SATB2: variants seen among roughly 807,000 people sequenced by gnomAD.
SATB2 encodes the protein DNA-binding protein SATB2.
A neutral mutation model predicts 73.4 loss-of-function variants in SATB2; 1 was observed. The observed-to-expected ratio is 0.01, with a 90% CI of 0.00 to 0.06. The LOEUF is 0.06. SATB2 is among the 10% of genes least tolerant of loss of function. The pLI is 1.00. For synonymous variants in SATB2, 397 were observed against 367.0 expected, an observed-to-expected ratio of 1.08 and a Z score of -0.93; for missense variants, 459 against 945.8, an observed-to-expected ratio of 0.49 and a Z score of 6.75.
chr2:199,334,706 A>G (rs1688286338), intron 7 of SATB2, among the ~76,000 whole-genome samples: 1 of 152,148 alleles, frequency 6.6e-6, no homozygotes, highest in South Asian at 2.1e-4. Flanking sequence ...GTAACCTCTT[A>G]AGAAAACTAT....
upstream of SATB2, among the ~76,000 whole-genome samples, chr2:199,459,294 A>G (rs916666755): frequency 1.3e-5 from 2 of 151,792 alleles, no homozygotes; most frequent in African/African-American, 4.8e-5. The surrounding 1 kb of genome is among the most constrained non-coding windows in gnomAD (Gnocchi z 4.2). Flanking sequence ...CGAAGGCGTA[A>G]CAGAGCCACA....
intron 3 of SATB2, among the ~76,000 whole-genome samples, chr2:199,390,336 T>C (rs1365742284): frequency 6.6e-6 from 1 of 152,152 alleles, no homozygotes; most frequent in African/African-American, 2.4e-5. Context: ...TGAGAAATTA[T>C]TTGGGGTTGG....
chr2:199,396,204 C>T (rs1320450306), intron 3 of SATB2: 1 of 152,164 alleles, frequency 6.6e-6, no homozygotes, highest in Non-Finnish European at 1.5e-5. Context: ...ACCTCTAATT[C>T]TTTTCCCACA....
At chr2:199,428,552 C>A (rs1200431498) in intron 3 of SATB2, among the ~76,000 whole-genome samples, 1 of 152,150 alleles carries the variant, frequency 6.6e-6, no homozygotes, top group Non-Finnish European at 1.5e-5. Context: ...CACCCACTAG[C>A]CTGCGCCTCT....
intron 9 of SATB2, among the ~76,000 whole-genome samples, chr2:199,314,257 C>A (rs961584751): frequency 1.3e-5 from 2 of 152,150 alleles, no homozygotes; most frequent in African/African-American, 4.8e-5. Flanking sequence ...ATAGTAGCTT[C>A]TCAATAAATA....
chr2:199,360,777 C>T (rs1689114582), intron 6 of SATB2, among the ~76,000 whole-genome samples: 1 of 152,130 alleles, frequency 6.6e-6, no homozygotes, highest in African/African-American at 2.4e-5. Flanking sequence ...TCTTTCCTCT[C>T]ATGTCCTTGC....
rs145709726 is a variant in SATB2, at chr2:199,418,580, A to G, written c.346+14758T>C. 1.4e-4 allele frequency among the ~76,000 whole-genome samples: 22 copies of G among 152,308 alleles called. No individual in the cohort carries two copies. The East Asian group carries it at 4.2e-3, about 29-fold the overall frequency. ...TAATGTAAAATGTGAATTTATTTTCAAATCTTAACGTGGTTTGCTTCTACA... is the reference window on the plus strand; with the variant it reads ...TAATGTAAAATGTGAATTTATTTTCGAATCTTAACGTGGTTTGCTTCTACA... On this transcript the variant is annotated intron_variant, in intron 3 of 10. Coordinates refer to ENST00000417098, the MANE Select transcript of SATB2 (RefSeq NM_001172509.2).
intron 5 of SATB2, among the ~76,000 whole-genome samples, chr2:199,374,260 G>C (rs534106338): frequency 6.6e-6 from 1 of 152,338 alleles, no homozygotes; most frequent in African/African-American, 2.4e-5. Flanking sequence ...CCATGGGACA[G>C]AGCTGCTTCA....
upstream of SATB2, chr2:199,458,731 A>C (rs1444846714): frequency 2.3e-6 from 1 of 426,542 alleles, no homozygotes; most frequent in South Asian, 1.6e-5. Context: ...GACTTTGGAG[A>C]TAGGAGGGCG....
intron 3 of SATB2, among the ~76,000 whole-genome samples, chr2:199,429,794 C>T (rs1054311188): frequency 9.2e-5 from 14 of 152,136 alleles, no homozygotes; most frequent in Non-Finnish European, 2.9e-5. Context: ...CCTGTAATCC[C>T]AGCTATTTGG....
intron 3 of SATB2, among the ~76,000 whole-genome samples, chr2:199,419,574 T>A (rs950960168): frequency 6.6e-6 from 1 of 152,218 alleles, no homozygotes; most frequent in Non-Finnish European, 1.5e-5. Flanking sequence ...CCTCGGGATG[T>A]CCATGTGAAA....
intron 10 of SATB2, among the ~76,000 whole-genome samples, chr2:199,286,643 C>A (rs1275786573): frequency 1.3e-5 from 2 of 152,158 alleles, no homozygotes; most frequent in African/African-American, 4.8e-5. Flanking sequence ...TAATTTCTCC[C>A]TGTTCCGACA....
chr2:199,442,347 C>T (rs931942284), intron 2 of SATB2, among the ~76,000 whole-genome samples: 1 of 152,098 alleles, frequency 6.6e-6, no homozygotes, highest in Non-Finnish European at 1.5e-5. Flanking sequence ...CAGCGCTGTG[C>T]GTGACCACTA....
At chr2:199,469,037 C>G (rs2095012201), upstream of SATB2, 1 of 152,298 alleles carries the variant, frequency 6.6e-6, no homozygotes, top group Admixed American at 6.5e-5. Context: ...CGTGCCTCAC[C>G]GGGTTCCCCA....
chr2:199,384,655 G>T (rs1171350226), intron 3 of SATB2, among the ~76,000 whole-genome samples: 2 of 152,160 alleles, frequency 1.3e-5, no homozygotes, highest in East Asian at 3.9e-4. Context: ...AAGAATGCAG[G>T]CTTCCAAGTT....
intron 5 of SATB2, among the ~76,000 whole-genome samples, chr2:199,374,801 T>C (rs1030449693): frequency 6.6e-6 from 1 of 151,896 alleles, no homozygotes; most frequent in Non-Finnish European, 1.5e-5. Context: ...TCATCTCTAC[T>C]AAAAACACAA....
chr2:199,393,694 T>A (rs558065269), intron 3 of SATB2, among the ~76,000 whole-genome samples: 2 of 152,186 alleles, frequency 1.3e-5, no homozygotes, highest in South Asian at 4.1e-4. Flanking sequence ...AAAGTCAACA[T>A]TGAATTGGTT....
chr2:199,377,309 C>T (rs570371483), intron 5 of SATB2, among the ~76,000 whole-genome samples: 26 of 152,204 alleles, frequency 1.7e-4, no homozygotes, highest in African/African-American at 5.8e-4. Flanking sequence ...AACAGGGAGG[C>T]GGCAGTTGCA....
chr2:199,336,111 CG>C (rs1688331061), intron 7 of SATB2, among the ~76,000 whole-genome samples: 1 of 152,068 alleles, frequency 6.6e-6, no homozygotes, highest in South Asian at 2.1e-4. Flanking sequence ...ACTTAATCTA[CG>C]TAATGATTAT....
Sources: gnomAD v4.1 joint callset for allele counts (sites outside exome capture counted in the v4.1 genomes callset) on GRCh38, gnomAD v4.1.1 for gene constraint, Gnocchi (gnomAD v3.1) non-coding constraint, MANE v1.5 for transcripts, NCBI Gene and HGNC (gene_info 2026-07-23, HGNC 2026-07-21) for gene names.